The following GJA1 variants were observed in gnomAD, a reference collection of about 807,000 sequenced individuals.
The protein encoded by GJA1 is gap junction alpha-1 protein.
Under a neutral mutation model 31.0 loss-of-function variants are expected in GJA1, and 9 were observed. The ratio of observed to expected loss-of-function variants is 0.29; its 90% CI spans 0.17 to 0.51. The LOEUF (loss-of-function observed/expected upper bound fraction) is 0.51. Among genes scored for constraint, GJA1 ranks in the 20% least tolerant of loss-of-function variants. The pLI, the probability that GJA1 is intolerant of heterozygous loss-of-function variation, is 0.98. For missense variants in GJA1, 278 were observed against 468.8 expected, an observed-to-expected ratio of 0.59 and a Z score of 3.76; for synonymous variants, 186 against 180.1, an observed-to-expected ratio of 1.03 and a Z score of -0.26.
chr6:121,446,805 CTTGAA>C (rs1773896716), intron 1 of GJA1, 22 bp from the exon 2 acceptor site: 3 of 1,418,794 alleles, frequency 2.1e-6, no homozygotes, highest in Non-Finnish European at 3.0e-6. Context: ...ATCTGTGATC[CTTGAA>C]TTGTCTCTTT....
chr6:121,446,953 C>G lies in GJA1; in HGVS notation c.106C>G (p.Leu36Val). ...LSVLFIFRIL[L>V]LGTAVESAWG... Reference sequence around the variant, plus strand: ...AGTACTTTTCATTTTCCGAATCCTGCTGCTGGGGACAGCGGTTGAGTCAGC... The same window carrying G: ...AGTACTTTTCATTTTCCGAATCCTGGTGCTGGGGACAGCGGTTGAGTCAGC... The change falls in exon 2 of 2, where the codon CTG (leucine) becomes GTG (valine). Residue 36 changes from leucine (L) to valine (V), a missense_variant. Coordinates refer to ENST00000282561, the MANE Select transcript of GJA1 (RefSeq NM_000165.5). 1 of 1,614,042 alleles carries G rather than the reference C, an allele frequency of 6.2e-7. No individual in the cohort carries two copies. Among genetic ancestry groups the G allele is most frequent in the Non-Finnish European group, 8.5e-7 (1 of 1,179,894 alleles).
chr6:121,445,840 G>GA (rs1582557437), intron 1 of GJA1, among the ~76,000 whole-genome samples: 2 of 152,154 alleles, frequency 1.3e-5, no homozygotes, highest in East Asian at 3.9e-4. Flanking sequence ...CACTGCTTAA[G>GA]AAAAAAATAG....
chr6:121,445,588 T>C (rs1656410329), intron 1 of GJA1, among the ~76,000 whole-genome samples: 1 of 151,370 alleles, frequency 6.6e-6, no homozygotes, highest in African/African-American at 2.4e-5. Context: ...CAATGAAAGA[T>C]GAAAACCAAT....
At chr6:121,438,769 T>C (rs922882978) in intron 1 of GJA1, among the ~76,000 whole-genome samples, 5 of 152,206 alleles carry the variant, frequency 3.3e-5, no homozygotes, top group African/African-American at 1.2e-4. Context: ...TTTTAAAAAA[T>C]CTCCAGAGCA....
intron 1 of GJA1, among the ~76,000 whole-genome samples, chr6:121,441,195 GC>G (rs1378999848): frequency 5.9e-5 from 9 of 151,952 alleles, no homozygotes; most frequent in Middle Eastern, 3.4e-3. Flanking sequence ...CTCGTGATCC[GC>G]CCGCCTCGGC....
At chr6:121,441,091 C>T (rs375565733) in intron 1 of GJA1, among the ~76,000 whole-genome samples, 5 of 152,192 alleles carry the variant, frequency 3.3e-5, no homozygotes, top group African/African-American at 7.2e-5. Context: ...TACAGGTGCC[C>T]GCCACCACGC....
intron 1 of GJA1, among the ~76,000 whole-genome samples, chr6:121,440,964 ACGGAGTCT>A (rs1335195669): frequency 6.8e-6 from 1 of 147,526 alleles, no homozygotes; most frequent in African/African-American, 2.6e-5. Flanking sequence ...TTTCTTTGAG[ACGGAGTCT>A]CGCTCTGTCG....
At chr6:121,442,486 C>T (rs550941061) in intron 1 of GJA1, among the ~76,000 whole-genome samples, 13 of 152,290 alleles carry the variant, frequency 8.5e-5, no homozygotes, top group Admixed American at 6.5e-5. Context: ...ACCTCAATGC[C>T]GGGTGCCCAG....
chr6:121,436,184 T>TGGGC (rs1554200294), intron 1 of GJA1, among the ~76,000 whole-genome samples: 1 of 29,854 alleles, frequency 3.3e-5, no homozygotes, highest in Non-Finnish European at 7.4e-5. Flanking sequence ...ATTTGTTGGG[T>TGGGC]GGGGGGGGGG....
intron 1 of GJA1, among the ~76,000 whole-genome samples, chr6:121,441,322 C>G (rs1773777517): frequency 6.6e-6 from 1 of 152,062 alleles, no homozygotes; most frequent in Admixed American, 6.6e-5. Context: ...CTCTTGACCT[C>G]AGATGATCCT....
chr6:121,437,132 C>T (rs958849603), intron 1 of GJA1, among the ~76,000 whole-genome samples: 13 of 152,216 alleles, frequency 8.5e-5, no homozygotes, highest in African/African-American at 3.1e-4. Context: ...CTGCCGGGAT[C>T]CTTCCCGCGC....
intron 1 of GJA1, among the ~76,000 whole-genome samples, chr6:121,436,625 A>G (rs536075014): frequency 6.6e-4 from 101 of 152,166 alleles, no homozygotes; most frequent in Non-Finnish European, 1.2e-3. Context: ...AGAGCATTAG[A>G]GATCAGACGT....
At position 121,448,268 on chromosome 6, in the gene GJA1, G is replaced by C. The variant is rs72548747; in HGVS notation, c.*272G>C. The C allele has an allele frequency of 2.0e-6, 1 of 510,266 alleles. No individual in the cohort carries two copies. The highest frequency in any genetic ancestry group is 3.3e-5 in the Admixed American group (1 of 30,544). The allele number at this position is 510,266 out of a possible 1,614,324, so 31.6% of individuals were successfully genotyped here. On this transcript the variant is annotated 3_prime_UTR_variant, in exon 2 of 2. Coordinates refer to ENST00000282561, the MANE Select transcript of GJA1 (RefSeq NM_000165.5). Reference sequence around the variant, plus strand: ...AGATTATAAATAAGAGTTCCATTAGGTGATACATAGATAAGGGCTTTTTCT... The same window carrying C: ...AGATTATAAATAAGAGTTCCATTAGCTGATACATAGATAAGGGCTTTTTCT...
rs1773925302 is a variant in GJA1, at chr6:121,448,342, G to A, written c.*346G>A. The A allele has an allele frequency of 3.4e-6, 1 of 291,462 alleles. No homozygotes were observed. Among genetic ancestry groups the A allele is most frequent in the Non-Finnish European group, 6.9e-6 (1 of 144,244 alleles). The allele number at this position is 291,462 out of a possible 1,614,324, so 18.1% of individuals were successfully genotyped here. A position where few individuals can be genotyped will look rare whatever the true frequency, so the allele number is the denominator to read the frequency against. ...GTTCTGTGTATGTGAATGAGCGGGTGGTAATTGTGGCTAAATATTTTTGTT... is the reference window on the plus strand; with the variant it reads ...GTTCTGTGTATGTGAATGAGCGGGTAGTAATTGTGGCTAAATATTTTTGTT... On this transcript the variant is annotated 3_prime_UTR_variant, in exon 2 of 2. Transcript: ENST00000282561.
chr6:121,439,727 G>A (rs1260195348), intron 1 of GJA1, among the ~76,000 whole-genome samples: 2 of 152,096 alleles, frequency 1.3e-5, no homozygotes, highest in African/African-American at 4.8e-5. Flanking sequence ...GATGAGGAGG[G>A]GTAAGAGCTG....
In GJA1 at chr6:121,447,693, T is replaced by G. The variant is rs2114284443; in HGVS notation, c.846T>G (p.Ser282=). 1 of 1,614,042 alleles carries G rather than the reference T, an allele frequency of 6.2e-7. No individual in the cohort carries two copies. The highest frequency in any genetic ancestry group is 1.3e-5 in the African/African-American group (1 of 75,004). Residue 282 remains serine (S), a synonymous_variant, in exon 2 of 2, where the codon TCT becomes TCG. Coordinates refer to ENST00000282561, the MANE Select transcript of GJA1 (RefSeq NM_000165.5). ...SSPTAPLSPM[S]PPGYKLVTGD... is the part of the protein sequence containing the mutation. ...CAACCGCTCCCCTCTCGCCTATGTC[T>G]CCTCCTGGGTACAAGCTGGTTACTG...
intron 1 of GJA1, among the ~76,000 whole-genome samples, chr6:121,444,770 A>T (rs928266171): frequency 1.3e-5 from 2 of 152,220 alleles, no homozygotes; most frequent in Non-Finnish European, 2.9e-5. Context: ...GTTTTTAATT[A>T]TTAAACAATC....
chr6:121,442,401 G>A (rs182255544), intron 1 of GJA1, among the ~76,000 whole-genome samples: 7 of 152,270 alleles, frequency 4.6e-5, no homozygotes, highest in Middle Eastern at 3.4e-3. Flanking sequence ...GAATTAAAGC[G>A]TTTAAGTTCT....
intron 1 of GJA1, among the ~76,000 whole-genome samples, chr6:121,442,082 T>G (rs1773803244): frequency 6.6e-6 from 1 of 152,228 alleles, no homozygotes; most frequent in African/African-American, 2.4e-5. Context: ...GACTCTGATT[T>G]TATTCTTTCA....
Sources: allele counts gnomAD v4.1 joint callset (sites outside exome capture counted in the v4.1 genomes callset), GRCh38; gene constraint gnomAD v4.1.1; transcripts MANE v1.5; gene names NCBI Gene and HGNC (gene_info 2026-07-23, HGNC 2026-07-21).